The following GPHN variants were observed in gnomAD, a reference collection of about 807,000 sequenced individuals.
GPHN encodes the protein gephyrin.
In GPHN, 17 loss-of-function variants were observed where a neutral mutation model predicts 95.5. That is an observed-to-expected ratio of 0.18 (90% confidence interval 0.12 to 0.27). GPHN has a LOEUF of 0.27. Among genes scored for constraint, GPHN ranks in the 10% least tolerant of loss-of-function variants. The pLI, the probability that GPHN is intolerant of heterozygous loss-of-function variation, is 1.00. For missense variants in GPHN, 660 were observed against 978.1 expected (o/e 0.67, Z 4.34); for synonymous variants, 320 against 322.5 (o/e 0.99, Z 0.08).
At chr14:67,380,476 A>G in the GPHN span, among the ~76,000 whole-genome samples, 1 of 152,220 alleles carries the variant, frequency 6.6e-6, no homozygotes, top group Non-Finnish European at 1.5e-5. Context: ...TTCACTAATA[A>G]TCAGTTGGGG....
chr14:67,625,680 C>CAAAAAA, the GPHN span, among the ~76,000 whole-genome samples: 59 of 31,472 alleles, frequency 1.9e-3, no homozygotes, highest in Middle Eastern at 0.016. Flanking sequence ...AACTCCATCT[C>CAAAAAA]AAAAAAAAAA....
chr14:66,975,435 A>G (rs2070145346), intron 9 of GPHN, among the ~76,000 whole-genome samples: 1 of 152,226 alleles, frequency 6.6e-6, no homozygotes, highest in Non-Finnish European at 1.5e-5. Context: ...TGGAAGAAGC[A>G]GTTTTTAGCA....
At chr14:66,995,410 T>C (rs564991862) in intron 9 of GPHN, among the ~76,000 whole-genome samples, 1 of 152,344 alleles carries the variant, frequency 6.6e-6, no homozygotes, top group Non-Finnish European at 1.5e-5. Context: ...ATAGTGTTGC[T>C]ATTGCCATTA....
chr14:66,521,220 C>A (rs1053691797), intron 1 of GPHN, among the ~76,000 whole-genome samples: 1 of 151,910 alleles, frequency 6.6e-6, no homozygotes, highest in Non-Finnish European at 1.5e-5. Context: ...GGGTATATAC[C>A]CAGTAATGGA....
intron 1 of GPHN, among the ~76,000 whole-genome samples, chr14:66,553,958 AATT>A (rs2059917546): frequency 6.6e-6 from 1 of 152,088 alleles, no homozygotes; most frequent in African/African-American, 2.4e-5. Context: ...AGTTAATCTA[AATT>A]ATTGATTTTT....
At chr14:67,030,696 T>C (rs1419703215) in intron 10 of GPHN, among the ~76,000 whole-genome samples, 2 of 152,190 alleles carry the variant, frequency 1.3e-5, no homozygotes, top group Non-Finnish European at 2.9e-5. Context: ...CCCTACTTTA[T>C]TGCAAGAGTA....
At chr14:66,827,358 CTCAGGAAAT>C (rs2061424017) in intron 4 of GPHN, among the ~76,000 whole-genome samples, 1 of 151,750 alleles carries the variant, frequency 6.6e-6, no homozygotes, top group Non-Finnish European at 1.5e-5. Flanking sequence ...ACTGCTATCA[CTCAGGAAAT>C]TCCCAAGGGT....
intron 12 of GPHN, among the ~76,000 whole-genome samples, chr14:67,100,551 A>G (rs2077641903): frequency 6.6e-6 from 1 of 152,224 alleles, no homozygotes; most frequent in African/African-American, 2.4e-5. Context: ...AGAATAACTT[A>G]TTAGAAAAGC....
chr14:67,026,409 A>C (rs1396251207), intron 10 of GPHN, among the ~76,000 whole-genome samples: 1 of 152,172 alleles, frequency 6.6e-6, no homozygotes, highest in African/African-American at 2.4e-5. Context: ...AAAATAGGTT[A>C]CTTTTTATTG....
intron 1 of GPHN, among the ~76,000 whole-genome samples, chr14:66,551,997 A>G (rs1281407864): frequency 6.6e-6 from 1 of 152,088 alleles, no homozygotes; most frequent in South Asian, 2.1e-4. Flanking sequence ...AGAGAAACCA[A>G]CCTTTATCTT....
At chr14:66,641,153 A>G (rs2064380646) in intron 1 of GPHN, among the ~76,000 whole-genome samples, 2 of 152,352 alleles carry the variant, frequency 1.3e-5, no homozygotes, top group East Asian at 1.9e-4. Context: ...TCCATAACGT[A>G]TGATGGTTCA....
chr14:67,445,574 A>ATTTTTTTTTTTTT, the GPHN span, among the ~76,000 whole-genome samples: 6 of 98,674 alleles, frequency 6.1e-5, no homozygotes, highest in African/African-American at 9.3e-5. Context: ...AAGAGAGGCA[A>ATTTTTTTTTTTTT]TTCTTTTTTT....
intron 3 of GPHN, among the ~76,000 whole-genome samples, chr14:66,799,690 C>G (rs1190831647): frequency 2.0e-5 from 3 of 151,770 alleles, no homozygotes; most frequent in Admixed American, 2.0e-4. Context: ...TATTTTCAGT[C>G]TATGGTGTCT....
the GPHN span, among the ~76,000 whole-genome samples, chr14:67,713,858 G>GA: frequency 6.6e-6 from 1 of 152,184 alleles, no homozygotes; most frequent in East Asian, 1.9e-4. Flanking sequence ...TCGAAGCAGG[G>GA]AGGGGGCTTC....
chr14:67,466,753 G>C, the GPHN span, among the ~76,000 whole-genome samples: 7 of 152,096 alleles, frequency 4.6e-5, no homozygotes, highest in Admixed American at 6.5e-5. Context: ...AACATGTTGG[G>C]AGGCCAAGGC....
rs1169056047 is a variant in GPHN at position 66,829,082 on chromosome 14, C to CTTT, written c.294+4537_294+4539dup. Among the ~76,000 whole-genome samples, 141 of 80,078 alleles carry CTTT rather than the reference C, an allele frequency of 1.8e-3. 4 individuals are homozygous for CTTT. The highest frequency in any genetic ancestry group is 2.9e-3 in the African/African-American group (54 of 18,852). 52.5% of individuals were successfully genotyped at this position (80,078 alleles called of 152,430 possible). A position where few individuals can be genotyped will look rare whatever the true frequency, so the allele number is the denominator to read the frequency against. On this transcript the variant is annotated intron_variant, in intron 4 of 22. Coordinates refer to ENST00000478722, the MANE Select transcript of GPHN (RefSeq NM_020806.5). ...TGGTTTTTAATAATAGATTGCTTGC[C>CTTT]TTTTTTTTTTTTTTTTTTTTTTTGA...
At chr14:67,144,062 C>T (rs530921448) in intron 18 of GPHN, among the ~76,000 whole-genome samples, 5 of 149,764 alleles carry the variant, frequency 3.3e-5, no homozygotes, top group Non-Finnish European at 7.4e-5. Context: ...GTGGTGAAAC[C>T]CCATCTCTAC....
chr14:67,724,036 C>G, the GPHN span, among the ~76,000 whole-genome samples: 4 of 152,370 alleles, frequency 2.6e-5, no homozygotes, highest in South Asian at 8.3e-4. Flanking sequence ...CCACCCCCCA[C>G]AGAGTGCTGT....
chr14:67,132,053 G>T (rs933422283), intron 17 of GPHN, among the ~76,000 whole-genome samples: 2 of 152,176 alleles, frequency 1.3e-5, no homozygotes, highest in South Asian at 2.1e-4. Flanking sequence ...CTATGTCATA[G>T]ATTGATGTTT....
Sources: gnomAD v4.1 joint callset for allele counts (sites outside exome capture counted in the v4.1 genomes callset) on GRCh38, gnomAD v4.1.1 for gene constraint, MANE v1.5 for transcripts, NCBI Gene and HGNC (gene_info 2026-07-23, HGNC 2026-07-21) for gene names.